The following EYS variants were observed in gnomAD, a reference collection of about 807,000 sequenced individuals.
EYS encodes protein eyes shut homolog.
Under a neutral mutation model 282.1 loss-of-function variants are expected in EYS, and 250 were observed. The observed-to-expected ratio is 0.89, with a 90% CI of 0.80 to 0.98. EYS has a LOEUF of 0.98. Ranked by LOEUF, EYS falls within the 50% of genes least tolerant of loss-of-function variation. The pLI is 0.00. For synonymous variants in EYS, 1,355 were observed against 1,282.9 expected (o/e 1.06, Z -1.20); for missense variants, 4,016 against 3,709.0 (o/e 1.08, Z -2.15).
intron 15 of EYS, among the ~76,000 whole-genome samples, chr6:64,929,414 C>T (rs1768632861): frequency 2.6e-5 from 4 of 152,200 alleles, no homozygotes; most frequent in Middle Eastern, 3.4e-3. Context: ...GTCTTTAATA[C>T]CTTTTCTGTT....
At chr6:65,631,088 A>T (rs1485722129) in intron 2 of EYS, among the ~76,000 whole-genome samples, 1 of 152,222 alleles carries the variant, frequency 6.6e-6, no homozygotes, top group East Asian at 1.9e-4. Context: ...TTCACACATA[A>T]ACCTCTAATT....
intron 1 of EYS, among the ~76,000 whole-genome samples, chr6:65,642,629 T>A (rs1330755587): frequency 6.6e-6 from 1 of 152,174 alleles, no homozygotes; most frequent in African/African-American, 2.4e-5. Flanking sequence ...TGTTCTATAT[T>A]TTTTAACTAT....
At chr6:65,343,965 T>C in intron 10 of EYS, 73 bp downstream of exon 10, 1 of 1,300,422 alleles carries the variant, frequency 7.7e-7, no homozygotes. Flanking sequence ...CCTAAACATT[T>C]CTAACTTTCT....
chr6:64,492,286 T>C (rs896490442), intron 26 of EYS, among the ~76,000 whole-genome samples: 4 of 151,240 alleles, frequency 2.6e-5, no homozygotes, highest in Admixed American at 6.6e-5. Flanking sequence ...CAAATTCTAA[T>C]GATTTCTGCT....
intron 29 of EYS, among the ~76,000 whole-genome samples, chr6:64,314,296 C>T (rs543047223): frequency 1.6e-4 from 23 of 144,666 alleles, no homozygotes; most frequent in African/African-American, 5.4e-4. Flanking sequence ...AAGGGCATTA[C>T]ATAATGGTAA....
At chr6:64,097,868 C>A (rs1247973594) in intron 31 of EYS, among the ~76,000 whole-genome samples, 1 of 151,938 alleles carries the variant, frequency 6.6e-6, no homozygotes, top group African/African-American at 2.4e-5. Flanking sequence ...AAAAATTGGA[C>A]AAATTACAAA....
At chr6:65,032,161 G>A (rs886819761) in intron 13 of EYS, among the ~76,000 whole-genome samples, 6 of 152,012 alleles carry the variant, frequency 3.9e-5, no homozygotes, top group Non-Finnish European at 7.4e-5. Flanking sequence ...TAAATTCCTG[G>A]ATACATACAA....
chr6:64,975,443 T>G (rs144107460), intron 14 of EYS, among the ~76,000 whole-genome samples: 153 of 151,984 alleles, frequency 1.0e-3, no homozygotes, highest in African/African-American at 3.6e-3. Context: ...GATGCAGACA[T>G]CTGTTAGGAT....
chr6:63,817,811 T>C (rs1204020547), intron 36 of EYS, among the ~76,000 whole-genome samples: 1 of 152,214 alleles, frequency 6.6e-6, no homozygotes, highest in East Asian at 1.9e-4. Flanking sequence ...CTGCAGTTGG[T>C]TGGATTCTTT....
At chr6:65,032,113 C>T (rs1772624636) in intron 13 of EYS, among the ~76,000 whole-genome samples, 1 of 152,036 alleles carries the variant, frequency 6.6e-6, no homozygotes, top group Non-Finnish European at 1.5e-5. Context: ...TTATGGACAA[C>T]TCTATGCACA....
At chr6:65,318,891 C>T (rs971768043) in intron 11 of EYS, among the ~76,000 whole-genome samples, 1 of 150,592 alleles carries the variant, frequency 6.6e-6, no homozygotes, top group African/African-American at 2.4e-5. Flanking sequence ...ATCCACCCGC[C>T]TTGGCCTGCG....
At chr6:64,331,180 T>C (rs1770633791) in intron 29 of EYS, among the ~76,000 whole-genome samples, 1 of 152,118 alleles carries the variant, frequency 6.6e-6, no homozygotes, top group Non-Finnish European at 1.5e-5. Context: ...TCAGTAAGCA[T>C]CTATACTGAC....
intron 33 of EYS, among the ~76,000 whole-genome samples, chr6:64,004,578 T>C (rs536227093): frequency 5.1e-4 from 77 of 152,280 alleles, no homozygotes; most frequent in Middle Eastern, 6.8e-3. Flanking sequence ...ATAGTACTGT[T>C]AGGTAGTCTT....
Position 63,900,057 on chromosome 6 carries a change from A to G in EYS, c.7056-35699T>C, listed in dbSNP as rs531623436. Among the ~76,000 whole-genome samples, 7 of 152,290 alleles carry G rather than the reference A, an allele frequency of 4.6e-5. No homozygotes were observed. The South Asian group carries it at 1.4e-3, about 32-fold the overall frequency. ...TCCTTAGTGCAGTAATTGGAAAATAATCACGTAGAGCTACGGTTTGCTTTG... is the reference window on the plus strand; with the variant it reads ...TCCTTAGTGCAGTAATTGGAAAATAGTCACGTAGAGCTACGGTTTGCTTTG... On this transcript the variant is annotated intron_variant, in intron 35 of 42. Transcript: ENST00000503581.
intron 13 of EYS, among the ~76,000 whole-genome samples, chr6:65,049,908 A>G (rs1485546716): frequency 2.0e-5 from 3 of 151,664 alleles, no homozygotes; most frequent in Admixed American, 2.0e-4. Flanking sequence ...ATAAAACCAT[A>G]TAATATGTTT....
At chr6:63,736,324 C>A (rs937537089) in intron 41 of EYS, among the ~76,000 whole-genome samples, 41 of 152,290 alleles carry the variant, frequency 2.7e-4, no homozygotes, top group African/African-American at 9.1e-4. Context: ...GTTTTCCCAG[C>A]ACCATTTATT....
intron 26 of EYS, among the ~76,000 whole-genome samples, chr6:64,540,475 A>ATTT (rs397888030): frequency 2.5e-4 from 21 of 83,496 alleles, no homozygotes; most frequent in Non-Finnish European, 3.2e-4. Context: ...CCAAGTACAG[A>ATTT]TTTTTTTTTT....
intron 2 of EYS, among the ~76,000 whole-genome samples, chr6:65,547,275 G>T (rs1768426078): frequency 6.6e-6 from 1 of 151,058 alleles, no homozygotes; most frequent in South Asian, 2.1e-4. Flanking sequence ...TCCTTAGAAA[G>T]ATTTCAATGG....
chr6:65,293,229 A>G (rs1039445854), intron 12 of EYS, among the ~76,000 whole-genome samples: 5 of 150,438 alleles, frequency 3.3e-5, no homozygotes, highest in African/African-American at 1.2e-4. Flanking sequence ...ACTAGTGCTG[A>G]AAGTGTCAAA....
Sources: gnomAD v4.1 joint callset for allele counts (sites outside exome capture counted in the v4.1 genomes callset) on GRCh38, gnomAD v4.1.1 for gene constraint, MANE v1.5 for transcripts, NCBI Gene and HGNC (gene_info 2026-07-23, HGNC 2026-07-21) for gene names.